The following IGF2R variants were observed in gnomAD, a reference collection of about 807,000 sequenced individuals.
IGF2R encodes cation-independent mannose-6-phosphate receptor.
Under a neutral mutation model 270.6 loss-of-function variants are expected in IGF2R, and 91 were observed. That is an observed-to-expected ratio of 0.34 (90% CI 0.28 to 0.40). The LOEUF (loss-of-function observed/expected upper bound fraction) is 0.40. IGF2R is among the 10% of genes least tolerant of loss of function. The pLI, the probability that IGF2R is intolerant of heterozygous loss-of-function variation, is 1.00. For missense variants in IGF2R, 2,805 were observed against 3,188.3 expected, an observed-to-expected ratio of 0.88 and a Z score of 2.90; for synonymous variants, 1,316 against 1,258.9, an observed-to-expected ratio of 1.05 and a Z score of -0.96.
chr6:159,977,324 C>T (rs894179792), intron 1 of IGF2R, among the ~76,000 whole-genome samples: 7 of 152,214 alleles, frequency 4.6e-5, no homozygotes, highest in Admixed American at 2.0e-4. Flanking sequence ...GGTCTCCACC[C>T]GACCTTGGCT....
At chr6:160,098,853 A>G (rs1779422824) in intron 45 of IGF2R, among the ~76,000 whole-genome samples, 1 of 152,202 alleles carries the variant, frequency 6.6e-6, no homozygotes, top group Admixed American at 6.5e-5. Flanking sequence ...ACAAACAGGT[A>G]GCAATGTTCG....
chr6:160,011,897 T>C (rs1029011724), intron 4 of IGF2R, among the ~76,000 whole-genome samples: 1 of 152,230 alleles, frequency 6.6e-6, no homozygotes, highest in African/African-American at 2.4e-5. Flanking sequence ...TTTAAGAACT[T>C]TCAAAGGTTG....
At chr6:160,030,639 CAGGCGGT>C (rs3839348) in intron 7 of IGF2R, among the ~76,000 whole-genome samples, 15,359 of 152,138 alleles carry the variant, frequency 0.1, 1,410 homozygotes, top group East Asian at 0.5. Flanking sequence ...GAGATGTTCT[CAGGCGGT>C]AGTGGTTTTA....
chr6:159,991,876 A>G (rs1482059411), intron 2 of IGF2R, among the ~76,000 whole-genome samples: 2 of 152,332 alleles, frequency 1.3e-5, no homozygotes, highest in Non-Finnish European at 2.9e-5. Context: ...CCCCAAATGT[A>G]TGCCTTTTGG....
intron 1 of IGF2R, among the ~76,000 whole-genome samples, chr6:159,986,003 A>T (rs1783876856): frequency 6.6e-6 from 1 of 152,106 alleles, no homozygotes; most frequent in Admixed American, 6.5e-5. Flanking sequence ...TCCCTTGAGG[A>T]TGGTCACTGA....
chr6:160,079,498 T>C (rs2115281667), intron 37 of IGF2R, 82 bp from the exon 38 acceptor site: 1 of 965,994 alleles, frequency 1.0e-6, no homozygotes, highest in Non-Finnish European at 1.4e-6. Context: ...GCCTCCAGCA[T>C]CAGCTGCAAT....
rs111337080 is a variant in IGF2R at position 160,090,387 on chromosome 6, C to T, written c.6655+284C>T. On this transcript the variant is annotated intron_variant, in intron 44 of 47. Transcript: ENST00000356956. Reference sequence around the variant, plus strand: ...GTTCTGAGGTTGGGTGGAGGCTGAGCTGTGCACAGTCAGAATTGCCTTTGA... The same window carrying T: ...GTTCTGAGGTTGGGTGGAGGCTGAGTTGTGCACAGTCAGAATTGCCTTTGA... 4.1e-3 allele frequency: 943 copies of T among 228,342 alleles called. 10 individuals are homozygous for T. The highest frequency in any genetic ancestry group is 0.019 in the African/African-American group (864 of 44,350). The allele number at this position is 228,342 out of a possible 1,614,324, so 14.1% of individuals were successfully genotyped here. A position where few individuals can be genotyped will look rare whatever the true frequency, so the allele number is the denominator to read the frequency against.
At chr6:159,997,443 A>G (rs184258647) in intron 2 of IGF2R, among the ~76,000 whole-genome samples, 1 of 152,274 alleles carries the variant, frequency 6.6e-6, no homozygotes, top group African/African-American at 2.4e-5. Context: ...GCAACCTGGC[A>G]TAAGTGGTAG....
At chr6:160,014,508 C>T (rs897003900) in intron 4 of IGF2R, among the ~76,000 whole-genome samples, 5 of 152,302 alleles carry the variant, frequency 3.3e-5, no homozygotes, top group East Asian at 1.9e-4. Flanking sequence ...TTGCTACCTG[C>T]CCCGAGCAGG....
intron 36 of IGF2R, among the ~76,000 whole-genome samples, chr6:160,076,963 A>T (rs1407110780): frequency 1.3e-5 from 2 of 152,172 alleles, no homozygotes; most frequent in Admixed American, 1.3e-4. Flanking sequence ...TCTGATAAAG[A>T]CATCCTTCTG....
intron 4 of IGF2R, among the ~76,000 whole-genome samples, chr6:160,015,328 G>T (rs541665660): frequency 6.6e-6 from 1 of 152,202 alleles, no homozygotes; most frequent in East Asian, 1.9e-4. Context: ...TTAAAATGAT[G>T]CCAGTGTATT....
chr6:160,022,308 T>A (rs1464436164), intron 4 of IGF2R, among the ~76,000 whole-genome samples: 1 of 152,150 alleles, frequency 6.6e-6, no homozygotes, highest in Non-Finnish European at 1.5e-5. Flanking sequence ...TGTACAGTAT[T>A]CCAGTGCTGG....
At chr6:160,045,553 G>A (rs1247720681) in intron 13 of IGF2R, among the ~76,000 whole-genome samples, 192 bp from the exon 14 acceptor site, 4 of 152,016 alleles carry the variant, frequency 2.6e-5, no homozygotes, top group African/African-American at 9.7e-5. Context: ...TTGTCTCTAC[G>A]GATTTGACTG....
In IGF2R at chr6:160,102,872, G is replaced by A. The variant is rs8191947; in HGVS notation, c.6995+201G>A. Among the ~76,000 whole-genome samples the A allele has an allele frequency of 0.014, 2,157 of 152,248 alleles. 57 individuals carry two copies. Among genetic ancestry groups the A allele is most frequent in the African/African-American group, 0.05 (2,065 of 41,542 alleles). ...CCTGCATTTCTGTCTGACCAAGGCC[G>A]AGGCCCTCGCACATCACCCGTGCCT... On this transcript the variant is annotated intron_variant, in intron 46 of 47. Transcript: ENST00000356956. The surrounding 1 kb of genome is among the most constrained non-coding windows in gnomAD (Gnocchi z 4.5).
At chr6:160,059,532 T>C (rs1488410590) in intron 22 of IGF2R, among the ~76,000 whole-genome samples, 1 of 152,198 alleles carries the variant, frequency 6.6e-6, no homozygotes. Context: ...TCTCGGAACA[T>C]ATCCCCCCGC....
Position 160,044,427 on chromosome 6 carries a change from T to C in IGF2R, c.1622-87T>C, listed in dbSNP as rs1031713846. 2.6e-6 allele frequency: 3 copies of C among 1,158,768 alleles called. No homozygotes were observed. The African/African-American group carries it at 4.9e-5, about 19-fold the overall frequency. The allele number at this position is 1,158,768 out of a possible 1,614,324, so 71.8% of individuals were successfully genotyped here. On this transcript the variant is annotated intron_variant, in intron 12 of 47. Coordinates refer to ENST00000356956, the MANE Select transcript of IGF2R (RefSeq NM_000876.4). ...GCTGATTTCTTTCTTTCTTTCTCTT[T>C]CTTTCTTTTTTTTTTAAGTCACTTC... is the stretch of plus-strand genomic sequence containing the variant.
chr6:160,015,137 C>T (rs1777255737), intron 4 of IGF2R, among the ~76,000 whole-genome samples: 1 of 152,164 alleles, frequency 6.6e-6, no homozygotes, highest in East Asian at 1.9e-4. Flanking sequence ...TAGCCTATTT[C>T]TAAGAGAAAT....
chr6:160,047,847 A>G lies in IGF2R; in HGVS notation c.2285A>G (p.Glu762Gly). The G allele has an allele frequency of 6.2e-7, 1 of 1,614,166 alleles. No homozygotes were observed. The highest frequency in any genetic ancestry group is 8.5e-7 in the Non-Finnish European group (1 of 1,179,992). ...TGGTACACCAGCTATGCCTGCCCGGAGGAGCCCCTGGAATGCGTAGTGACC... is the reference window on the plus strand; with the variant it reads ...TGGTACACCAGCTATGCCTGCCCGGGGGAGCCCCTGGAATGCGTAGTGACC... ...FRWYTSYACP[E>G]EPLECVVTDP... The change falls in exon 17 of 48, where the codon GAG becomes GGG. Residue 762 changes from glutamate to glycine, a missense_variant. Physicochemically the swap from Glu to Gly is moderately conservative, Grantham distance 98. This residue lies in a region of IGF2R where 954 missense variants were observed against 981.1 expected (regional missense o/e 0.97). Coordinates refer to ENST00000356956, the MANE Select transcript of IGF2R (RefSeq NM_000876.4).
In IGF2R at chr6:160,073,341, A is replaced by T. The variant is rs1182255207; in HGVS notation, c.4819A>T (p.Lys1607Ter). 6.2e-7 allele frequency: 1 copy of T among 1,614,140 alleles called. No individual in the cohort carries two copies. Among genetic ancestry groups the T allele is most frequent in the Non-Finnish European group, 8.5e-7 (1 of 1,180,058 alleles). ...TCCCTCCAAATCCGGCCTGAGCTAT[A>T]AGAGTGTGATCAGTTTCGTGTGCAG... ...PCPSKSGLSYKSVISFVCRPE... is the reference protein window; with the variant it reads ...PCPSKSGLSY Residue 1607 changes from lysine (K) to a stop codon, truncating the protein, a stop_gained, in exon 34 of 48, where the codon AAG becomes TAG. Transcript: ENST00000356956. LOFTEE classifies it high-confidence loss of function.
Sources: allele counts gnomAD v4.1 joint callset (sites outside exome capture counted in the v4.1 genomes callset), GRCh38; gene constraint gnomAD v4.1.1; regional missense constraint gnomAD v4.1.1; non-coding constraint Gnocchi (gnomAD v3.1); transcripts MANE v1.5; gene names NCBI Gene and HGNC (gene_info 2026-07-23, HGNC 2026-07-21).